LTBP1: variants seen among roughly 807,000 people sequenced by gnomAD.
LTBP1 encodes the protein latent transforming growth factor beta binding protein 1, also known as latent-transforming growth factor beta-binding protein 1.
A neutral mutation model predicts 207.6 loss-of-function variants in LTBP1; 129 were observed. That is an observed-to-expected ratio of 0.62 (90% confidence interval 0.54 to 0.72). LTBP1 has a LOEUF of 0.72. Among genes scored for constraint, LTBP1 ranks in the 30% least tolerant of loss-of-function variants. The pLI, the probability that LTBP1 is intolerant of heterozygous loss-of-function variation, is 0.00. For missense variants in LTBP1, 2,281 were observed against 2,217.2 expected, an observed-to-expected ratio of 1.03 and a Z score of -0.58; for synonymous variants, 963 against 833.7, an observed-to-expected ratio of 1.16 and a Z score of -2.67.
intron 24 of LTBP1, among the ~76,000 whole-genome samples, chr2:33,316,221 A>G (rs2094269768): frequency 1.2e-5 from 1 of 81,320 alleles, no homozygotes; most frequent in South Asian, 3.9e-4. Flanking sequence ...AACTGAAAAG[A>G]TTCCCATAAT....
intron 3 of LTBP1, among the ~76,000 whole-genome samples, chr2:33,073,907 G>T (rs909892359): frequency 3.9e-5 from 6 of 152,210 alleles, no homozygotes; most frequent in African/African-American, 1.4e-4. Context: ...GATTGCAGGT[G>T]TGAGCCACTG....
At chr2:33,368,198 C>T (rs1337411260) in intron 31 of LTBP1, among the ~76,000 whole-genome samples, 5 of 151,470 alleles carry the variant, frequency 3.3e-5, no homozygotes, top group African/African-American at 1.2e-4. Flanking sequence ...CAGAGCGAGA[C>T]TCTGTCTCAA....
chr2:33,343,261 A>G (rs2094654233), intron 25 of LTBP1, among the ~76,000 whole-genome samples: 1 of 151,804 alleles, frequency 6.6e-6, no homozygotes, highest in Non-Finnish European at 1.5e-5. Context: ...TAAAAAAAAA[A>G]TTAGCCAGGC....
chr2:33,102,794 T>G (rs1053830071), intron 3 of LTBP1, among the ~76,000 whole-genome samples: 3 of 152,242 alleles, frequency 2.0e-5, no homozygotes, highest in African/African-American at 7.2e-5. Flanking sequence ...ACAGTCTATA[T>G]GTTGTATGCA....
At chr2:33,191,941 T>A (rs548105122) in intron 7 of LTBP1, among the ~76,000 whole-genome samples, 11 of 152,242 alleles carry the variant, frequency 7.2e-5, no homozygotes, top group African/African-American at 2.7e-4. Flanking sequence ...AACTTGGGAT[T>A]GAACACCAAG....
At chr2:33,081,592 G>T (rs576891120) in intron 3 of LTBP1, among the ~76,000 whole-genome samples, 1 of 152,210 alleles carries the variant, frequency 6.6e-6, no homozygotes, top group Admixed American at 6.5e-5. Flanking sequence ...TAGCACGTTG[G>T]TTCTAAACAG....
At chr2:33,311,844 A>T (rs1281014856) in intron 23 of LTBP1, among the ~76,000 whole-genome samples, 2 of 152,166 alleles carry the variant, frequency 1.3e-5, no homozygotes, top group Admixed American at 1.3e-4. Context: ...AAACATAGAG[A>T]GTTTTATTGA....
At chr2:33,101,339 T>A (rs1309808627) in intron 3 of LTBP1, among the ~76,000 whole-genome samples, 1 of 152,234 alleles carries the variant, frequency 6.6e-6, no homozygotes, top group Non-Finnish European at 1.5e-5. Flanking sequence ...AGTCTTTGAA[T>A]AGAAATCTAA....
chr2:33,018,460 A>AC (rs1436236174), intron 2 of LTBP1, among the ~76,000 whole-genome samples: 2 of 152,162 alleles, frequency 1.3e-5, no homozygotes, highest in Non-Finnish European at 2.9e-5. Context: ...GAGAAGGCAC[A>AC]CATGAAAGGG....
rs539452805 is a variant in LTBP1, at chr2:33,055,358, C to T, written c.863+34152C>T. ...AGGCAGAAGAATTTTCTTCCTTTCCCTGAGTTATGGTGGACATCATTGAAT... is the reference window on the plus strand; with the variant it reads ...AGGCAGAAGAATTTTCTTCCTTTCCTTGAGTTATGGTGGACATCATTGAAT... On this transcript the variant is annotated intron_variant, in intron 3 of 33. Transcript: ENST00000404816. Among the ~76,000 whole-genome samples, 4 of 152,282 alleles carry T rather than the reference C, an allele frequency of 2.6e-5. No individual in the cohort carries two copies. In the South Asian group the frequency reaches 8.3e-4, roughly 32 times the overall value.
chr2:33,353,189 G>A (rs1019176477), intron 26 of LTBP1, among the ~76,000 whole-genome samples: 2 of 151,998 alleles, frequency 1.3e-5, no homozygotes, highest in Non-Finnish European at 2.9e-5. Flanking sequence ...ATGTTGACCA[G>A]CCTGGTCTTG....
At chr2:33,212,218 G>C (rs1409992338) in intron 7 of LTBP1, among the ~76,000 whole-genome samples, 2 of 152,214 alleles carry the variant, frequency 1.3e-5, no homozygotes, top group Non-Finnish European at 2.9e-5. Flanking sequence ...CATGCACTCA[G>C]TGTTCCAGGA....
chr2:33,112,063 TATAC>T (rs1163917165), intron 4 of LTBP1, among the ~76,000 whole-genome samples: 9 of 152,222 alleles, frequency 5.9e-5, no homozygotes, highest in African/African-American at 2.2e-4. Flanking sequence ...CTTGGGGTTT[TATAC>T]AGATGACAAT....
chr2:33,248,370 A>G (rs1010480688), intron 10 of LTBP1, among the ~76,000 whole-genome samples: 4 of 152,180 alleles, frequency 2.6e-5, no homozygotes, highest in Admixed American at 6.5e-5. Flanking sequence ...ACAGTCATAC[A>G]GTCCATAAAG....
At chr2:33,057,756 T>A (rs558829238) in intron 3 of LTBP1, among the ~76,000 whole-genome samples, 1 of 152,314 alleles carries the variant, frequency 6.6e-6, no homozygotes, top group Non-Finnish European at 1.5e-5. Context: ...CACCGGGAAC[T>A]CTAGCTGGCC....
chr2:33,116,038 A>G (rs955432099), intron 4 of LTBP1, among the ~76,000 whole-genome samples: 1 of 152,228 alleles, frequency 6.6e-6, no homozygotes, highest in Non-Finnish European at 1.5e-5. Context: ...TAAGACACCA[A>G]AGGACTTACT....
At chr2:33,069,360 C>T (rs1211201987) in intron 3 of LTBP1, among the ~76,000 whole-genome samples, 2 of 152,188 alleles carry the variant, frequency 1.3e-5, no homozygotes. Context: ...AATATCTAGT[C>T]CCTCAGTTCC....
chr2:33,200,337 C>G (rs1266850148), intron 7 of LTBP1, among the ~76,000 whole-genome samples: 1 of 152,190 alleles, frequency 6.6e-6, no homozygotes, highest in Non-Finnish European at 1.5e-5. Flanking sequence ...CTACAACTAT[C>G]TGATCTTTGA....
chr2:33,036,013 G>A (rs777568364), intron 3 of LTBP1, among the ~76,000 whole-genome samples: 3 of 151,996 alleles, frequency 2.0e-5, no homozygotes, highest in Non-Finnish European at 4.4e-5. Flanking sequence ...ACATTTTTAG[G>A]TATATCTGGA....
Sources: allele counts gnomAD v4.1 joint callset (sites outside exome capture counted in the v4.1 genomes callset), GRCh38; gene constraint gnomAD v4.1.1; transcripts MANE v1.5; gene names NCBI Gene and HGNC (gene_info 2026-07-23, HGNC 2026-07-21).